RHOBTB1: variants seen among roughly 807,000 people sequenced by gnomAD.
RHOBTB1 encodes the protein rho-related BTB domain-containing protein 1.
A neutral mutation model predicts 71.6 loss-of-function variants in RHOBTB1; 40 were observed. The observed-to-expected ratio is 0.56, with a 90% CI of 0.43 to 0.73. The LOEUF (loss-of-function observed/expected upper bound fraction) is 0.73. RHOBTB1 is among the 30% of genes least tolerant of loss of function. RHOBTB1 has a pLI of 0.00. For synonymous variants in RHOBTB1, 319 were observed against 334.9 expected (o/e 0.95, Z 0.52); for missense variants, 797 against 894.0 (o/e 0.89, Z 1.38).
chr10:60,886,116 C>A lies in RHOBTB1; in HGVS notation c.1571G>T (p.Ser524Ile), dbSNP rs1284634373. 6.2e-7 allele frequency: 1 copy of A among 1,611,566 alleles called. No individual in the cohort carries two copies. Among genetic ancestry groups the A allele is most frequent in the East Asian group, 2.2e-5 (1 of 44,880 alleles). Residue 524 changes from serine (S) to isoleucine (I), a missense_variant, in exon 7 of 11, where the codon AGT (serine) becomes ATT (isoleucine). Physicochemically the swap from Ser to Ile is moderately radical, Grantham distance 142 (BLOSUM62 -2). This residue lies in a region of RHOBTB1 where 658 missense variants were observed against 681.5 expected (regional missense o/e 0.97). Coordinates refer to ENST00000337910, the MANE Select transcript of RHOBTB1 (RefSeq NM_014836.5). ...TGCTTTTAGGAAGGCACGTACCTCA[C>A]TGTTGGCACTTTCCACAAATGACCC... is the stretch of plus-strand genomic sequence containing the variant. ...FGGSFVESAN[S>I]EVYLPNINKI...
In RHOBTB1 at chr10:60,888,972, G is replaced by T; in HGVS notation, c.696C>A (p.Pro232=). The change falls in exon 6 of 11, where the codon CCC becomes CCA. Residue 232 remains proline (P), a synonymous_variant. Transcript: ENST00000337910. ...GTGGAGGGGCTTTTGGAGGTAGGAA[G>T]GGTGCCTGAAGTAAAGGTTTCTGGA... ...KKVQKPLLQA[P]FLPPKAPPPV... 6 of 1,614,138 alleles carry T rather than the reference G, an allele frequency of 3.7e-6. No homozygotes were observed. Among genetic ancestry groups the T allele is most frequent in the South Asian group, 1.1e-5 (1 of 91,080 alleles).
chr10:60,914,525 G>T (rs1295701191), intron 2 of RHOBTB1, among the ~76,000 whole-genome samples: 2 of 151,926 alleles, frequency 1.3e-5, no homozygotes, highest in Non-Finnish European at 2.9e-5. Flanking sequence ...CTAAAATTTG[G>T]GAGAATGTTT....
chr10:60,959,735 T>C (rs995491770), intron 2 of RHOBTB1, among the ~76,000 whole-genome samples: 1 of 152,170 alleles, frequency 6.6e-6, no homozygotes, highest in African/African-American at 2.4e-5. Context: ...GGCCTGTTTC[T>C]GCAACTAAAA....
At chr10:60,953,585 A>G (rs998331412) in intron 2 of RHOBTB1, among the ~76,000 whole-genome samples, 5 of 152,214 alleles carry the variant, frequency 3.3e-5, no homozygotes, top group African/African-American at 4.8e-5. Flanking sequence ...TCTGTTTTCT[A>G]TTGAAAGAAA....
At chr10:60,918,521 C>T (rs775432676) in intron 2 of RHOBTB1, among the ~76,000 whole-genome samples, 81 of 152,240 alleles carry the variant, frequency 5.3e-4, no homozygotes, top group African/African-American at 1.6e-3. Context: ...CTCAGACAGG[C>T]GCACTTCAGT....
intron 6 of RHOBTB1, among the ~76,000 whole-genome samples, chr10:60,887,798 T>C (rs535699404): frequency 9.2e-5 from 14 of 152,290 alleles, no homozygotes; most frequent in Non-Finnish European, 1.8e-4. Flanking sequence ...GGTCAGAGAA[T>C]AGATTCTGAA....
intron 7 of RHOBTB1, among the ~76,000 whole-genome samples, chr10:60,879,820 A>G (rs2081229819): frequency 6.6e-6 from 1 of 152,128 alleles, no homozygotes; most frequent in Non-Finnish European, 1.5e-5. Flanking sequence ...ACACACACTC[A>G]GGCACACACA....
chr10:60,923,933 A>G (rs1036221470), intron 2 of RHOBTB1, among the ~76,000 whole-genome samples: 2 of 152,190 alleles, frequency 1.3e-5, no homozygotes, highest in Non-Finnish European at 2.9e-5. Flanking sequence ...AGTCTTGGGT[A>G]TATCTTTATC....
chr10:60,869,233 G>A (rs2080669294), downstream of RHOBTB1, among the ~76,000 whole-genome samples: 1 of 152,212 alleles, frequency 6.6e-6, no homozygotes, highest in Admixed American at 6.5e-5. Context: ...CAAGAGCAAA[G>A]CACCAGGCAC....
intron 2 of RHOBTB1, among the ~76,000 whole-genome samples, chr10:60,982,022 C>T (rs145298997): frequency 6.2e-4 from 95 of 152,254 alleles, no homozygotes; most frequent in Non-Finnish European, 1.1e-3. Flanking sequence ...CCACTGGCCT[C>T]GGCCTCCCAA....
At chr10:60,994,816 G>A (rs763544970) in intron 1 of RHOBTB1, among the ~76,000 whole-genome samples, 8 of 151,912 alleles carry the variant, frequency 5.3e-5, no homozygotes, top group Admixed American at 1.3e-4. Flanking sequence ...ATAAGTTTAT[G>A]AGCCAAGTAA....
At chr10:60,947,633 C>A (rs969505320), upstream of RHOBTB1, among the ~76,000 whole-genome samples, 3 of 151,826 alleles carry the variant, frequency 2.0e-5, no homozygotes, top group East Asian at 3.9e-4. Flanking sequence ...TGAATTTCAT[C>A]CATGGTATTG....
At chr10:60,898,829 C>T (rs1032628819) in intron 4 of RHOBTB1, among the ~76,000 whole-genome samples, 3 of 152,194 alleles carry the variant, frequency 2.0e-5, no homozygotes, top group African/African-American at 7.2e-5. Flanking sequence ...TTAAACCAGT[C>T]TTCCACCACC....
chr10:60,903,994 GCT>G (rs2082539507), intron 4 of RHOBTB1, among the ~76,000 whole-genome samples: 1 of 151,534 alleles, frequency 6.6e-6, no homozygotes, highest in Non-Finnish European at 1.5e-5. Context: ...ACAGGGTCTT[GCT>G]CTGTTTCCCA....
chr10:60,979,574 A>G (rs1315587820), intron 2 of RHOBTB1, among the ~76,000 whole-genome samples: 1 of 152,170 alleles, frequency 6.6e-6, no homozygotes, highest in Non-Finnish European at 1.5e-5. Flanking sequence ...TTCAACTTCA[A>G]TTCAATTTAA....
At chr10:60,905,788 T>C (rs2082649354) in intron 4 of RHOBTB1, among the ~76,000 whole-genome samples, 1 of 152,166 alleles carries the variant, frequency 6.6e-6, no homozygotes, top group Non-Finnish European at 1.5e-5. Context: ...GAATGTGCTA[T>C]GAACATTAAG....
intron 2 of RHOBTB1, among the ~76,000 whole-genome samples, chr10:60,950,716 T>A (rs935164565): frequency 6.6e-6 from 1 of 152,248 alleles, no homozygotes; most frequent in African/African-American, 2.4e-5. Context: ...GCTCTATACC[T>A]ACTCATAAGT....
In RHOBTB1 at chr10:60,875,023, C is replaced by T; in HGVS notation, c.1746G>A (p.Glu582=). 6.2e-7 allele frequency: 1 copy of T among 1,614,068 alleles called. No homozygotes were observed. Among genetic ancestry groups the T allele is most frequent in the East Asian group, 2.2e-5 (1 of 44,870 alleles). ...CGCCACTCGTGGCGGCTTTGGTCAA[C>T]TCCTGAACGGCATGCTGTTCTGGGG... ...VALAEQHAVQ[E]LTKAATSGVG... The change falls in exon 9 of 11, where the codon GAG becomes GAA. Residue 582 remains glutamate, a synonymous_variant. Coordinates refer to ENST00000337910, the MANE Select transcript of RHOBTB1 (RefSeq NM_014836.5).
At chr10:60,950,963 G>GT in intron 2 of RHOBTB1, among the ~76,000 whole-genome samples, 1 of 152,274 alleles carries the variant, frequency 6.6e-6, no homozygotes, top group Non-Finnish European at 1.5e-5. Context: ...CAACTGCTGT[G>GT]TCTTCTCCCA....
Sources: gnomAD v4.1 joint callset for allele counts (sites outside exome capture counted in the v4.1 genomes callset) on GRCh38, gnomAD v4.1.1 for gene constraint, gnomAD v4.1.1 regional missense constraint, MANE v1.5 for transcripts, NCBI Gene and HGNC (gene_info 2026-07-23, HGNC 2026-07-21) for gene names.